ZNF438: variants seen among roughly 807,000 people sequenced by gnomAD.
ZNF438 encodes the protein zinc finger protein 438.
ZNF438 carries 25 observed loss-of-function variants against 38.0 expected under a neutral mutation model. The observed-to-expected ratio is 0.66, with a 90% CI of 0.48 to 0.92. The LOEUF (loss-of-function observed/expected upper bound fraction) is 0.92, where lower values mean the gene tolerates loss of function less well. Among genes scored for constraint, ZNF438 ranks in the 40% least tolerant of loss-of-function variants. The pLI, the probability that ZNF438 is intolerant of heterozygous loss-of-function variation, is 0.00. For synonymous variants in ZNF438, 372 were observed against 364.1 expected, an observed-to-expected ratio of 1.02 and a Z score of -0.25; for missense variants, 1,007 against 999.6, an observed-to-expected ratio of 1.01 and a Z score of -0.10.
At chr10:30,887,913 T>A (rs1409291756) in intron 3 of ZNF438, among the ~76,000 whole-genome samples, 1 of 152,236 alleles carries the variant, frequency 6.6e-6, no homozygotes, top group Non-Finnish European at 1.5e-5. Context: ...GAATTTCCTG[T>A]CATTTCATAT....
chr10:30,950,282 C>G (rs937459797), intron 1 of ZNF438, among the ~76,000 whole-genome samples: 2 of 151,852 alleles, frequency 1.3e-5, no homozygotes, highest in South Asian at 4.2e-4. Context: ...ACTAAATGCC[C>G]ACAAGAGAAA....
At chr10:30,972,694 A>C (rs1349045588) in intron 1 of ZNF438, among the ~76,000 whole-genome samples, 1 of 152,198 alleles carries the variant, frequency 6.6e-6, no homozygotes, top group African/African-American at 2.4e-5. Flanking sequence ...CAAAAAGACC[A>C]AGACTTCAAT....
At chr10:30,976,868 T>C (rs1196135139) in intron 1 of ZNF438, among the ~76,000 whole-genome samples, 1 of 152,112 alleles carries the variant, frequency 6.6e-6, no homozygotes, top group Admixed American at 6.5e-5. Context: ...CTACAAATAA[T>C]TAAAATTGAC....
chr10:30,904,982 C>A (rs976601088), intron 3 of ZNF438, among the ~76,000 whole-genome samples: 2 of 152,136 alleles, frequency 1.3e-5, no homozygotes, highest in Non-Finnish European at 2.9e-5. Flanking sequence ...ACAAGAAGCT[C>A]TAGAGGGTAG....
intron 1 of ZNF438, chr10:30,999,602 T>C (rs1159089660): frequency 1.3e-5 from 2 of 152,296 alleles, no homozygotes; most frequent in Non-Finnish European, 2.9e-5. Context: ...CACTATACTT[T>C]CCTAACACAG....
At chr10:30,845,283 G>C (rs769020625) in exon 6 of ZNF438, 1 of 1,614,124 alleles carries the variant, frequency 6.2e-7, no homozygotes, top group South Asian at 1.1e-5. Context: ...TCTTGGACAT[G>C]CATGTGATTC....
chr10:30,951,998 C>G (rs916440425), intron 1 of ZNF438, among the ~76,000 whole-genome samples: 39 of 150,298 alleles, frequency 2.6e-4, no homozygotes, highest in Non-Finnish European at 5.5e-4. Context: ...TGACTTCAAA[C>G]TATACTACAA....
intron 1 of ZNF438, among the ~76,000 whole-genome samples, chr10:31,000,669 C>T (rs2054558497): frequency 6.6e-6 from 1 of 151,866 alleles, no homozygotes; most frequent in African/African-American, 2.4e-5. Context: ...TATGAGAGGG[C>T]ATATGGTTGG....
intron 4 of ZNF438, among the ~76,000 whole-genome samples, chr10:30,866,650 C>T (rs552802954): frequency 2.0e-5 from 3 of 152,068 alleles, no homozygotes; most frequent in Non-Finnish European, 4.4e-5. Flanking sequence ...CTGGCTAACA[C>T]GGTGAAACCC....
intron 1 of ZNF438, among the ~76,000 whole-genome samples, chr10:30,965,729 G>A (rs113464862): frequency 0.018 from 2,779 of 152,178 alleles, 77 homozygotes; most frequent in African/African-American, 0.063. Flanking sequence ...ACACAAAGAT[G>A]GCAGCAATAG....
chr10:30,857,991 T>A (rs1411307089), intron 4 of ZNF438, among the ~76,000 whole-genome samples: 1 of 152,256 alleles, frequency 6.6e-6, no homozygotes, highest in Non-Finnish European at 1.5e-5. Context: ...CCTGCTCTGT[T>A]GCTTCTGAAT....
chr10:30,919,010 G>A (rs1039480214), intron 2 of ZNF438: 1 of 152,186 alleles, frequency 6.6e-6, no homozygotes, highest in Non-Finnish European at 1.5e-5. Context: ...TAAGCTCTTA[G>A]ATAAAATTTA....
intron 3 of ZNF438, among the ~76,000 whole-genome samples, chr10:30,896,227 C>T (rs1047924386): frequency 6.2e-5 from 9 of 145,960 alleles, no homozygotes; most frequent in Admixed American, 4.3e-4. Flanking sequence ...ACCTGGGAGG[C>T]AGAGCTTGCA....
intron 4 of ZNF438, chr10:30,875,232 T>C (rs2133610355): frequency 1.0e-6 from 1 of 984,778 alleles, no homozygotes; most frequent in South Asian, 4.7e-5. Flanking sequence ...CAAAACAAAC[T>C]GTGATGAGAA....
At chr10:30,862,849 C>G (rs754497567) in intron 4 of ZNF438, among the ~76,000 whole-genome samples, 2 of 152,142 alleles carry the variant, frequency 1.3e-5, no homozygotes, top group Non-Finnish European at 2.9e-5. Flanking sequence ...TTTCAAAATG[C>G]AGGGAACCAA....
chr10:31,002,789 G>A (rs909020703), intron 1 of ZNF438, among the ~76,000 whole-genome samples: 1 of 152,184 alleles, frequency 6.6e-6, no homozygotes, highest in Non-Finnish European at 1.5e-5. Context: ...AGTGTCTTTA[G>A]AGATGGCCCT....
Position 31,028,137 on chromosome 10 carries a change from T to A in ZNF438, c.-192+3696A>T, listed in dbSNP as rs146104611. Among the ~76,000 whole-genome samples the A allele has an allele frequency of 5.3e-5, 8 of 151,610 alleles. No homozygotes were observed. The East Asian group carries it at 1.6e-3, about 30-fold the overall frequency. On this transcript the variant is annotated intron_variant, in intron 1 of 5. Transcript: ENST00000413025. Reference sequence around the variant, plus strand: ...TATATATCACCAGATCCCCTTTCTATGACAAAAAAAAAATACATGTCAATG... The same window carrying A: ...TATATATCACCAGATCCCCTTTCTAAGACAAAAAAAAAATACATGTCAATG...
chr10:30,968,478 T>C (rs1229923337), intron 1 of ZNF438, among the ~76,000 whole-genome samples: 1 of 146,532 alleles, frequency 6.8e-6, no homozygotes, highest in Non-Finnish European at 1.5e-5. Flanking sequence ...AGTTTCGCTC[T>C]TGTTGCCCAG....
chr10:30,857,073 C>T (rs930894796), intron 4 of ZNF438, among the ~76,000 whole-genome samples: 1 of 152,148 alleles, frequency 6.6e-6, no homozygotes. Context: ...CTGCCAAAGT[C>T]CACATAACCC....
Sources: allele counts gnomAD v4.1 joint callset (sites outside exome capture counted in the v4.1 genomes callset), GRCh38; gene constraint gnomAD v4.1.1; transcripts MANE v1.5; gene names NCBI Gene and HGNC (gene_info 2026-07-23, HGNC 2026-07-21).